The following PPP1R13L variants were observed in gnomAD, a reference collection of about 807,000 sequenced individuals.
The protein encoded by PPP1R13L is protein phosphatase 1 regulatory subunit 13 like.
PPP1R13L carries 50 observed loss-of-function variants against 80.9 expected under a neutral mutation model. The observed-to-expected ratio is 0.62, with a 90% CI of 0.49 to 0.78. The LOEUF is 0.78. Ranked by LOEUF, PPP1R13L falls within the 30% of genes least tolerant of loss-of-function variation. The pLI is 0.00. For synonymous variants in PPP1R13L, 602 were observed against 534.3 expected (o/e 1.13, Z -1.75); for missense variants, 1,200 against 1,205.9 (o/e 1.00, Z 0.07).
chr19:45,406,235 G>T (rs1429874346), upstream of PPP1R13L: 1 of 947,884 alleles, frequency 1.1e-6, no homozygotes, highest in East Asian at 1.1e-4. The surrounding 1 kb of genome is among the most constrained non-coding windows in gnomAD (Gnocchi z 4.2). Context: ...AGGCATCTGG[G>T]CCTCCCCAGA....
At chr19:45,389,173 CTG>C (rs1287469176) in intron 8 of PPP1R13L, among the ~76,000 whole-genome samples, 2 of 152,218 alleles carry the variant, frequency 1.3e-5, no homozygotes, top group Non-Finnish European at 2.9e-5. Context: ...GGCCAGGACT[CTG>C]TGATTCTACA....
rs1310567158 is a variant in PPP1R13L, at chr19:45,398,294, C to T, written c.25G>A (p.Ala9Thr). Residue 9 changes from alanine (A) to threonine (T), a missense_variant, in exon 2 of 13, where the codon GCG becomes ACG. Ala to Thr is a moderately conservative substitution (Grantham distance 58). This residue lies in a region of PPP1R13L where 764 missense variants were observed against 714.5 expected (regional missense o/e 1.07). Coordinates refer to ENST00000360957, the MANE Select transcript of PPP1R13L (RefSeq NM_006663.4). MDSEAFQS[A>T]RDFLDMNFQS... ...AAGTTCATGTCCAGAAAGTCCCGCG[C>T]GCTCTGGAATGCCTCGCTGTCCATG... is the stretch of plus-strand genomic sequence containing the variant. 1 of 1,613,906 alleles carries T rather than the reference C, an allele frequency of 6.2e-7. No homozygotes were observed. Among genetic ancestry groups the T allele is most frequent in the Non-Finnish European group, 8.5e-7 (1 of 1,179,948 alleles).
Position 45,392,076 on chromosome 19 carries a change from T to G in PPP1R13L, c.1619A>C (p.Lys540Thr). 1 of 1,540,424 alleles carries G rather than the reference T, an allele frequency of 6.5e-7. No individual in the cohort carries two copies. Among genetic ancestry groups the G allele is most frequent in the Non-Finnish European group, 8.7e-7 (1 of 1,144,848 alleles). The part of the protein sequence containing the change: ...APAVALPPTH[K>T]KQYQQIISRL... The stretch of plus-strand genomic sequence containing the variant: ...GCTGATGATCTGCTGGTACTGTTTC[T>G]TGTGGGTAGGGGGCAGGGCCACAGC... The change falls in exon 8 of 13, where the codon AAG becomes ACG. Residue 540 changes from lysine (K) to threonine (T), a missense_variant. Lys to Thr is a moderately conservative substitution (Grantham distance 78, BLOSUM62 -1). Coordinates refer to ENST00000360957, the MANE Select transcript of PPP1R13L (RefSeq NM_006663.4).
Position 45,382,656 on chromosome 19 carries a change from G to A in PPP1R13L, c.2319C>T (p.Phe773=), listed in dbSNP as rs1348874791. 8 of 1,613,848 alleles carry A rather than the reference G, an allele frequency of 5.0e-6. No homozygotes were observed. The South Asian group carries it at 7.7e-5, about 16-fold the overall frequency. Residue 773 remains phenylalanine (F), a synonymous_variant, in exon 12 of 13, where the codon TTC becomes TTT. Transcript: ENST00000360957. ...CCTCGCGGAAGGACAGCTCGTCCCCGAACTCGGCGCTGTAGTCCCAGAGAG... is the reference window on the plus strand; with the variant it reads ...CCTCGCGGAAGGACAGCTCGTCCCCAAACTCGGCGCTGTAGTCCCAGAGAG... ...VYALWDYSAE[F]GDELSFREGE... is the part of the protein sequence containing the mutation.
Position 45,383,992 on chromosome 19 carries a change from T to C in PPP1R13L, c.2249-1266A>G, listed in dbSNP as rs544579228. Among the ~76,000 whole-genome samples, 23 of 152,078 alleles carry C rather than the reference T, an allele frequency of 1.5e-4. No homozygotes were observed. In the South Asian group the frequency reaches 4.8e-3, roughly 32 times the overall value. On this transcript the variant is annotated intron_variant, in intron 11 of 12. Transcript: ENST00000360957. Reference sequence around the variant, plus strand: ...GTTGCCCAGGCTGGTTTGGAAATCCTGAGCTCATGCAATCCGCCCGCCTCG... The same window carrying C: ...GTTGCCCAGGCTGGTTTGGAAATCCCGAGCTCATGCAATCCGCCCGCCTCG...
chr19:45,403,532 A>C (rs1268664265), intron 1 of PPP1R13L, among the ~76,000 whole-genome samples: 2 of 152,084 alleles, frequency 1.3e-5, no homozygotes, highest in Admixed American at 1.3e-4. Flanking sequence ...GGTGTGGGCA[A>C]TATCCACTCT....
chr19:45,386,716 C>T (rs1972878425), intron 8 of PPP1R13L, among the ~76,000 whole-genome samples: 2 of 150,412 alleles, frequency 1.3e-5, no homozygotes, highest in African/African-American at 4.9e-5. Context: ...GCTCACTGCA[C>T]CCTCCATCCC....
Position 45,396,562 on chromosome 19 carries a change from G to C in PPP1R13L, c.695C>G (p.Pro232Arg). 6.6e-7 allele frequency: 1 copy of C among 1,523,554 alleles called. No individual in the cohort carries two copies. The highest frequency in any genetic ancestry group is 1.8e-4 in the Middle Eastern group (1 of 5,538). The allele number at this position is 1,523,554 out of a possible 1,614,324, so 94.4% of individuals were successfully genotyped here. Residue 232 changes from proline to arginine, a missense_variant, in exon 4 of 13, where the codon CCG (proline) becomes CGG (arginine). Transcript: ENST00000360957. This position sits in a 1 kb window ranked among gnomAD's most constrained non-coding sequence, Gnocchi z 5.3. Reference protein sequence around the residue: ...LLGSGGSAFAPPLRAQDDLTL... With the variant: ...LLGSGGSAFARPLRAQDDLTL... ...GGGTTCACCTTGCGCGCGCAGAGGC[G>C]GGGCGAATGCGCTGCCGCCGGAGCC... is the stretch of plus-strand genomic sequence containing the variant.
At chr19:45,383,597 C>T (rs1367823930) in intron 11 of PPP1R13L, among the ~76,000 whole-genome samples, 1 of 151,962 alleles carries the variant, frequency 6.6e-6, no homozygotes, top group Non-Finnish European at 1.5e-5. Flanking sequence ...GCCCGGCCCT[C>T]ATTTCCTTCT....
chr19:45,398,427 A>G (rs1278169934), intron 1 of PPP1R13L, 88 bp from the exon 2 acceptor site: 4 of 1,287,678 alleles, frequency 3.1e-6, no homozygotes, highest in South Asian at 1.3e-5. Context: ...GGAGCGGGAC[A>G]ACGCCTCAAC....
At chr19:45,381,886 G>T (rs943294378) in intron 12 of PPP1R13L, among the ~76,000 whole-genome samples, 6 of 151,930 alleles carry the variant, frequency 3.9e-5, no homozygotes, top group African/African-American at 1.4e-4. Flanking sequence ...GTTGCAGTGA[G>T]CCCACATCTT....
chr19:45,396,067 C>A lies in PPP1R13L; in HGVS notation c.903+101G>T, dbSNP rs1158530327. On this transcript the variant is annotated intron_variant, in intron 6 of 12. Coordinates refer to ENST00000360957, the MANE Select transcript of PPP1R13L (RefSeq NM_006663.4). The surrounding 1 kb of genome is among the most constrained non-coding windows in gnomAD (Gnocchi z 5.3). ...GAGAGCGTGGGAACGGGCGCCGAGA[C>A]CCAGATCGCAGCCCCGAGGGGGAGA... The A allele has an allele frequency of 2.9e-6, 4 of 1,399,032 alleles. No homozygotes were observed. Among genetic ancestry groups the A allele is most frequent in the Non-Finnish European group, 2.9e-6 (3 of 1,032,300 alleles). 86.7% of individuals were successfully genotyped at this position (1,399,032 alleles called of 1,614,324 possible).
chr19:45,384,016 C>T (rs565445393), intron 11 of PPP1R13L, among the ~76,000 whole-genome samples: 94 of 151,652 alleles, frequency 6.2e-4, no homozygotes, highest in Non-Finnish European at 1.0e-3. Context: ...CCGCCCGCCT[C>T]GAGCCTCCCA....
At chr19:45,405,282 C>G (rs1973311588), upstream of PPP1R13L, among the ~76,000 whole-genome samples, 3 of 152,300 alleles carry the variant, frequency 2.0e-5, 1 homozygote, top group South Asian at 6.2e-4. Flanking sequence ...AGCGACCAGG[C>G]CAGGGAGATA....
chr19:45,384,028 A>T (rs1321973845), intron 11 of PPP1R13L, among the ~76,000 whole-genome samples: 1 of 151,216 alleles, frequency 6.6e-6, no homozygotes, highest in Non-Finnish European at 1.5e-5. Context: ...AGCCTCCCAA[A>T]GTGCTAGGAT....
chr19:45,391,646 C>G (rs1345350903), intron 8 of PPP1R13L, among the ~76,000 whole-genome samples: 1 of 152,194 alleles, frequency 6.6e-6, no homozygotes, highest in African/African-American at 2.4e-5. Context: ...TGACAGCCAT[C>G]TAGGACCATG....
In PPP1R13L at chr19:45,379,948, GT is replaced by G; in HGVS notation, c.*241del. 1 of 427,804 alleles carries G rather than the reference GT, an allele frequency of 2.3e-6. No homozygotes were observed. The highest frequency in any genetic ancestry group is 4.2e-6 in the Non-Finnish European group (1 of 238,010). 26.5% of individuals were successfully genotyped at this position (427,804 alleles called of 1,614,324 possible). ...GGATCTGATTTGGCAAAAGGAAGTGGTTTCCTGTCCCCAGTGATTTCCAGCC... is the reference window on the plus strand; with the variant it reads ...GGATCTGATTTGGCAAAAGGAAGTGGTTCCTGTCCCCAGTGATTTCCAGCC... On this transcript the variant is annotated 3_prime_UTR_variant, in exon 13 of 13. Transcript: ENST00000360957.
rs760066265 is a variant in PPP1R13L, at chr19:45,385,641, C to T, written c.2169G>A (p.Thr723=). The change falls in exon 11 of 13, where the codon ACG becomes ACA. Residue 723 remains threonine, a synonymous_variant. Coordinates refer to ENST00000360957, the MANE Select transcript of PPP1R13L (RefSeq NM_006663.4). ...VQHGAAIFAT[T]LSDGATAFEK... is the part of the protein sequence containing the mutation. ...CGAAGGCGGTGGCGCCGTCGCTGAG[C>T]GTGGTGGCGAAGATTGCAGCGCCGT... is the stretch of plus-strand genomic sequence containing the variant. 1.9e-6 allele frequency: 3 copies of T among 1,613,150 alleles called. No individual in the cohort carries two copies. Among genetic ancestry groups the T allele is most frequent in the Admixed American group, 3.3e-5 (2 of 59,994 alleles).
chr19:45,384,241 C>G (rs979608216), intron 11 of PPP1R13L, among the ~76,000 whole-genome samples: 3 of 151,790 alleles, frequency 2.0e-5, no homozygotes, highest in Non-Finnish European at 2.9e-5. Context: ...ATTTTGTAGG[C>G]CGGGCACAGT....
Sources: allele counts gnomAD v4.1 joint callset (sites outside exome capture counted in the v4.1 genomes callset), GRCh38; gene constraint gnomAD v4.1.1; regional missense constraint gnomAD v4.1.1; non-coding constraint Gnocchi (gnomAD v3.1); transcripts MANE v1.5; gene names NCBI Gene and HGNC (gene_info 2026-07-23, HGNC 2026-07-21).